The following ZIM3 variants were observed in gnomAD, a reference collection of about 807,000 sequenced individuals.
ZIM3 encodes zinc finger protein 657.
ZIM3 carries 11 observed loss-of-function variants against 12.9 expected under a neutral mutation model. The observed-to-expected ratio is 0.85, with a 90% CI of 0.54 to 1.41. The LOEUF is 1.41. Among genes scored for constraint, ZIM3 ranks in the 40% most tolerant of loss-of-function variants. The pLI is 0.00. For missense variants in ZIM3, 604 were observed against 557.2 expected, an observed-to-expected ratio of 1.08 and a Z score of -0.85; for synonymous variants, 205 against 198.5, an observed-to-expected ratio of 1.03 and a Z score of -0.28.
At position 57,135,856 on chromosome 19, in the gene ZIM3, T is replaced by C; in HGVS notation, c.481A>G (p.Lys161Glu). The C allele has an allele frequency of 1.2e-6, 2 of 1,614,152 alleles. No homozygotes were observed. The highest frequency in any genetic ancestry group is 1.1e-5 in the South Asian group (1 of 91,076). ...YRKLVGNNPSKFVGQQLKCNA... is the reference protein window; with the variant it reads ...YRKLVGNNPSEFVGQQLKCNA... ...CATTTCAGTTGTTGTCCTACAAATT[T>C]GGATGGATTATTGCCAACTAATTTT... Residue 161 changes from lysine (K) to glutamate (E), a missense_variant, in exon 5 of 5, where the codon AAA becomes GAA. Coordinates refer to ENST00000269834, the MANE Select transcript of ZIM3 (RefSeq NM_052882.1).
At chr19:57,141,438 C>T (rs910557460) in intron 2 of ZIM3, among the ~76,000 whole-genome samples, 11 of 150,032 alleles carry the variant, frequency 7.3e-5, no homozygotes, top group African/African-American at 2.2e-4. Flanking sequence ...AACAAAGATG[C>T]TTGAGCTGAA....
rs2086881379 is a variant in ZIM3, at chr19:57,135,403, A to G, written c.934T>C (p.Cys312Arg). 6.2e-6 allele frequency: 10 copies of G among 1,614,102 alleles called. No individual in the cohort carries two copies. The highest frequency in any genetic ancestry group is 8.5e-6 in the Non-Finnish European group (10 of 1,179,994). The change falls in exon 5 of 5, where the codon TGT (cysteine) becomes CGT (arginine). Residue 312 changes from cysteine (C) to arginine (R), a missense_variant. By Grantham distance (180) the Cys-to-Arg change is radical. Transcript: ENST00000269834. ...GACTTGTAAATGAAAGCCTTTCCACAGTCCGTACATTGAAAGGGTTTTTGT... is the reference window on the plus strand; with the variant it reads ...GACTTGTAAATGAAAGCCTTTCCACGGTCCGTACATTGAAAGGGTTTTTGT... ...TGQKPFQCTDCGKAFIYKSDL... is the reference protein window; with the variant it reads ...TGQKPFQCTDRGKAFIYKSDL...
At chr19:57,136,665 A>G (rs1273370597) in intron 4 of ZIM3, among the ~76,000 whole-genome samples, 1 of 89,696 alleles carries the variant, frequency 1.1e-5, no homozygotes, top group Non-Finnish European at 2.1e-5. Context: ...GTTTCCAGAA[A>G]AAAAAAAAAA....
chr19:57,136,792 C>G, intron 4 of ZIM3, 81 bp downstream of exon 4: 1 of 1,201,944 alleles, frequency 8.3e-7, no homozygotes. Context: ...TCACAGCTGG[C>G]TGCCAAACGA....
At chr19:57,136,837 G>T (rs1057022620) in intron 4 of ZIM3, 36 bp downstream of exon 4, 1 of 1,584,384 alleles carries the variant, frequency 6.3e-7, no homozygotes, top group Non-Finnish European at 8.7e-7. Context: ...TGGCTTCCAT[G>T]CACCATTGAC....
chr19:57,134,182 G>A lies in ZIM3; in HGVS notation c.*736C>T, dbSNP rs2086874169. On this transcript the variant is annotated 3_prime_UTR_variant, in exon 5 of 5. Transcript: ENST00000269834. ...GGAGAGAAAGCTGTACTTCCTGGAT[G>A]TGGTTTCCAGTCCCCTACACCTCTA... 1 of 152,240 alleles carries A rather than the reference G, an allele frequency of 6.6e-6. No individual in the cohort carries two copies. Among genetic ancestry groups the A allele is most frequent in the Non-Finnish European group, 1.5e-5 (1 of 68,050 alleles). The allele number at this position is 152,240 out of a possible 1,614,324, so 9.4% of individuals were successfully genotyped here.
chr19:57,144,817 C>CAAAAT (rs2086930389), intron 1 of ZIM3, 42 bp downstream of exon 1: 1 of 104,654 alleles, frequency 9.6e-6, no homozygotes, highest in African/African-American at 5.3e-5. Context: ...ACAAACAAAA[C>CAAAAT]CCAGACATTT....
At chr19:57,138,072 AAGG>A (rs2086897571) in intron 3 of ZIM3, among the ~76,000 whole-genome samples, 2 of 97,018 alleles carry the variant, frequency 2.1e-5, no homozygotes, top group African/African-American at 9.7e-5. Context: ...GGAAGGAAGG[AAGG>A]AAAGAAGGGA....
rs200586467 is a variant in ZIM3, at chr19:57,136,978, T to C, written c.143-7A>G. The C allele has an allele frequency of 2.0e-5, 33 of 1,614,082 alleles. No individual in the cohort carries two copies. The African/African-American group carries it at 4.1e-4, about 20-fold the overall frequency. On this transcript the variant is annotated splice_region_variant and splice_polypyrimidine_tract_variant and intron_variant, in intron 3 of 4. Transcript: ENST00000269834. ...TTGGTGGTTTCCCCTTGTCCTGTGA[T>C]GGAAGATACCGCAAGGCTTGGTGTT...
At chr19:57,138,290 A>G (rs990882585) in intron 3 of ZIM3, among the ~76,000 whole-genome samples, 182 bp downstream of exon 3, 29 of 152,268 alleles carry the variant, frequency 1.9e-4, no homozygotes, top group Admixed American at 1.9e-3. Flanking sequence ...CGACCCTGAG[A>G]ATGGGGGCTC....
chr19:57,136,434 G>A (rs558839716), intron 4 of ZIM3, among the ~76,000 whole-genome samples: 133 of 151,882 alleles, frequency 8.8e-4, no homozygotes, highest in Non-Finnish European at 1.3e-3. Context: ...AGGCTGAGGC[G>A]GGTGGATTGC....
intron 2 of ZIM3, among the ~76,000 whole-genome samples, 199 bp downstream of exon 2, chr19:57,142,430 C>T (rs1226693292): frequency 6.6e-6 from 1 of 152,050 alleles, no homozygotes; most frequent in Admixed American, 6.6e-5. Flanking sequence ...TGTGAGCCAC[C>T]ATGCCCAGCC....
chr19:57,143,344 A>G (rs8112993), intron 1 of ZIM3, among the ~76,000 whole-genome samples: 9,975 of 146,520 alleles, frequency 0.068, 1,168 homozygotes, highest in African/African-American at 0.24. Context: ...AAAAAAAAAA[A>G]AGAGAGAGAG....
chr19:57,144,060 T>A (rs1036094298), intron 1 of ZIM3, among the ~76,000 whole-genome samples: 1 of 151,900 alleles, frequency 6.6e-6, no homozygotes, highest in African/African-American at 2.4e-5. Flanking sequence ...ATTTTTTATT[T>A]TATTTTATTG....
rs1366359902 is a variant in ZIM3, at chr19:57,135,113, G to A, written c.1224C>T (p.Ser408=). The part of the protein sequence containing the change: ...KAFFQKSNLH[S]HQKTHSGERT... ...TCTCTCCGCTATGAGTTTTCTGATG[G>A]CTATGAAGGTTTGACTTCTGAAAGA... The change falls in exon 5 of 5, where the codon AGC becomes AGT. Residue 408 remains serine (S), a synonymous_variant. Transcript: ENST00000269834. The A allele has an allele frequency of 6.2e-7, 1 of 1,614,140 alleles. No individual in the cohort carries two copies. The highest frequency in any genetic ancestry group is 8.5e-7 in the Non-Finnish European group (1 of 1,180,026).
Position 57,135,109 on chromosome 19 carries a change from G to T in ZIM3, c.1228C>A (p.Gln410Lys). ...GTCCTCTCTCCGCTATGAGTTTTCTGATGGCTATGAAGGTTTGACTTCTGA... is the reference window on the plus strand; with the variant it reads ...GTCCTCTCTCCGCTATGAGTTTTCTTATGGCTATGAAGGTTTGACTTCTGA... ...FFQKSNLHSH[Q>K]KTHSGERTYR... Residue 410 changes from glutamine (Q) to lysine (K), a missense_variant, in exon 5 of 5, where the codon CAG becomes AAG. Physicochemically the swap from Gln to Lys is moderately conservative, Grantham distance 53 (BLOSUM62 1). Transcript: ENST00000269834. 6.2e-7 allele frequency: 1 copy of T among 1,614,148 alleles called. No individual in the cohort carries two copies. The highest frequency in any genetic ancestry group is 8.5e-7 in the Non-Finnish European group (1 of 1,180,022).
Position 57,135,612 on chromosome 19 carries a change from T to C in ZIM3, c.725A>G (p.Gln242Arg), listed in dbSNP as rs1334864054. 6.2e-7 allele frequency: 1 copy of C among 1,612,036 alleles called. No homozygotes were observed. Among genetic ancestry groups the C allele is most frequent in the African/African-American group, 1.3e-5 (1 of 74,884 alleles). Residue 242 changes from glutamine (Q) to arginine (R), a missense_variant, in exon 5 of 5, where the codon CAG (glutamine) becomes CGG (arginine). By Grantham distance (43) the Gln-to-Arg change is conservative. Transcript: ENST00000269834. The stretch of plus-strand genomic sequence containing the variant: ...GGGTTTCTCTTTAGTATGCATTTTC[T>C]GATGTTGAAAGAGATTTGACTTCTG... ...YKQKSNLFQH[Q>R]KMHTKEKPYQ...
At chr19:57,142,601 G>A (rs767967896) in intron 2 of ZIM3, 28 bp downstream of exon 2, 4 of 1,612,508 alleles carry the variant, frequency 2.5e-6, no homozygotes, top group East Asian at 2.2e-5. Flanking sequence ...TATTCATTAT[G>A]AGATTTAGAT....
Position 57,138,594 on chromosome 19 carries a change from C to T in ZIM3, c.20G>A (p.Arg7Lys), listed in dbSNP as rs10407445. 145,417 of 1,613,996 alleles carry T rather than the reference C, an allele frequency of 0.09. 7,662 individuals carry two copies. The highest frequency in any genetic ancestry group is 0.22 in the African/African-American group (16,714 of 74,966). ...CACAGTGACATCCTCGAAGGTCACTCTTCCCTGTAACAACAGATTCCCGAT... is the reference window on the plus strand; with the variant it reads ...CACAGTGACATCCTCGAAGGTCACTTTTCCCTGTAACAACAGATTCCCGAT... MNNSQGRVTFEDVTVNF... is the reference protein window; with the variant it reads MNNSQGKVTFEDVTVNF... The change falls in exon 3 of 5, where the codon AGA becomes AAA. Residue 7 changes from arginine (R) to lysine (K), a missense_variant. Physicochemically the swap from Arg to Lys is conservative, Grantham distance 26 (BLOSUM62 2). Coordinates refer to ENST00000269834, the MANE Select transcript of ZIM3 (RefSeq NM_052882.1).
Sources: gnomAD v4.1 joint callset for allele counts (sites outside exome capture counted in the v4.1 genomes callset) on GRCh38, gnomAD v4.1.1 for gene constraint, MANE v1.5 for transcripts, NCBI Gene and HGNC (gene_info 2026-07-23, HGNC 2026-07-21) for gene names.